The following CTNNA3 variants were observed in gnomAD, a reference collection of about 807,000 sequenced individuals.
CTNNA3 encodes the protein catenin alpha-3.
Under a neutral mutation model 95.7 loss-of-function variants are expected in CTNNA3, and 76 were observed. The observed-to-expected ratio is 0.79, with a 90% CI of 0.66 to 0.96. CTNNA3 has a LOEUF of 0.96. CTNNA3 is among the 40% of genes least tolerant of loss of function. The probability of loss-of-function intolerance (pLI) is 0.00; values close to 1 mark genes in which losing one functional copy is unlikely to be tolerated. For missense variants in CTNNA3, 1,191 were observed against 1,089.8 expected, an observed-to-expected ratio of 1.09 and a Z score of -1.31; for synonymous variants, 431 against 374.4, an observed-to-expected ratio of 1.15 and a Z score of -1.74.
chr10:65,981,126 G>T (rs2078311754), intron 16 of CTNNA3, among the ~76,000 whole-genome samples: 2 of 151,982 alleles, frequency 1.3e-5, no homozygotes, highest in South Asian at 4.1e-4. Flanking sequence ...CCTAGAACTG[G>T]TAAATTAATT....
intron 7 of CTNNA3, among the ~76,000 whole-genome samples, chr10:66,999,057 G>A (rs769131720): frequency 5.9e-5 from 9 of 151,936 alleles, no homozygotes; most frequent in East Asian, 1.9e-4. Context: ...TAAAGAAAAC[G>A]GAAGACAGGG....
chr10:66,998,713 T>TA lies in CTNNA3; in HGVS notation c.1047+181603dup, dbSNP rs554546105. Among the ~76,000 whole-genome samples, 46 of 152,214 alleles carry TA rather than the reference T, an allele frequency of 3.0e-4. No individual in the cohort carries two copies. In the South Asian group the frequency reaches 7.9e-3, roughly 26 times the overall value. On this transcript the variant is annotated intron_variant, in intron 7 of 17. Transcript: ENST00000433211. ...ATAACATTGTCCAGAATATACAAAGTAAAATTGAGATTAGAAAGAGCAATT... is the reference window on the plus strand; with the variant it reads ...ATAACATTGTCCAGAATATACAAAGTAAAAATTGAGATTAGAAAGAGCAATT...
chr10:67,374,290 A>G (rs1843608566), intron 5 of CTNNA3, among the ~76,000 whole-genome samples: 1 of 152,164 alleles, frequency 6.6e-6, no homozygotes, highest in South Asian at 2.1e-4. Context: ...ATTTATAACA[A>G]CAGGTAGCCA....
chr10:67,492,924 G>T (rs994353868), intron 5 of CTNNA3, among the ~76,000 whole-genome samples: 1 of 151,966 alleles, frequency 6.6e-6, no homozygotes, highest in Non-Finnish European at 1.5e-5. Flanking sequence ...AAATAAGAGA[G>T]GAAGGAATCA....
chr10:66,130,288 C>T (rs1331622013), intron 13 of CTNNA3, among the ~76,000 whole-genome samples: 1 of 152,130 alleles, frequency 6.6e-6, no homozygotes, highest in Non-Finnish European at 1.5e-5. Flanking sequence ...CACAACCTAA[C>T]ATTACAATTA....
In CTNNA3 at chr10:66,551,175, G is replaced by A. The variant is rs537840873; in HGVS notation, c.1375-30402C>T. Reference sequence around the variant, plus strand: ...GCCAATGTTCGGGGCAGATCTGGAAGGTAATAATTTTTCTCAATTTTTATT... The same window carrying A: ...GCCAATGTTCGGGGCAGATCTGGAAAGTAATAATTTTTCTCAATTTTTATT... On this transcript the variant is annotated intron_variant, in intron 10 of 17. Coordinates refer to ENST00000433211, the MANE Select transcript of CTNNA3 (RefSeq NM_013266.4). Among the ~76,000 whole-genome samples, 213 of 152,142 alleles carry A rather than the reference G, an allele frequency of 1.4e-3. 1 individual carries two copies. Among genetic ancestry groups the A allele is most frequent in the African/African-American group, 5.0e-3 (209 of 41,520 alleles).
intron 13 of CTNNA3, among the ~76,000 whole-genome samples, chr10:66,173,764 G>A (rs1157687913): frequency 1.3e-5 from 2 of 151,978 alleles, no homozygotes; most frequent in Non-Finnish European, 2.9e-5. Context: ...AGAGAATTTA[G>A]GTACATATTT....
chr10:66,259,300 C>T (rs975157166), intron 13 of CTNNA3, among the ~76,000 whole-genome samples: 2 of 152,120 alleles, frequency 1.3e-5, no homozygotes, highest in African/African-American at 4.8e-5. Flanking sequence ...CACTCACTAT[C>T]CCCTTTCAGC....
chr10:67,645,953 A>G (rs1448581959), intron 2 of CTNNA3, among the ~76,000 whole-genome samples: 1 of 148,206 alleles, frequency 6.7e-6, no homozygotes, highest in African/African-American at 2.5e-5. Flanking sequence ...ATATATATAT[A>G]TAATATATAT....
chr10:66,690,567 T>C (rs12247449), intron 9 of CTNNA3, among the ~76,000 whole-genome samples: 26,616 of 150,224 alleles, frequency 0.18, 2,973 homozygotes, highest in East Asian at 0.33. Flanking sequence ...TGAGTGAGAA[T>C]ATGCGGTGTT....
intron 13 of CTNNA3, among the ~76,000 whole-genome samples, chr10:66,279,450 T>C (rs1385430335): frequency 6.6e-6 from 1 of 152,100 alleles, no homozygotes; most frequent in African/African-American, 2.4e-5. Flanking sequence ...AATTACTTTC[T>C]TTGGCCACAA....
At chr10:66,140,573 T>C (rs1005854969) in intron 13 of CTNNA3, among the ~76,000 whole-genome samples, 7 of 152,214 alleles carry the variant, frequency 4.6e-5, no homozygotes, top group African/African-American at 1.7e-4. Flanking sequence ...TTTGTCTTTA[T>C]GTATTTGTTC....
chr10:66,457,100 T>C (rs1386612505), intron 11 of CTNNA3, among the ~76,000 whole-genome samples: 1 of 151,794 alleles, frequency 6.6e-6, no homozygotes, highest in Admixed American at 6.6e-5. Flanking sequence ...TCTCAAAAAA[T>C]GGAAAAAACA....
At chr10:65,975,824 T>G (rs566647392) in intron 16 of CTNNA3, among the ~76,000 whole-genome samples, 2 of 152,262 alleles carry the variant, frequency 1.3e-5, no homozygotes, top group Admixed American at 1.3e-4. Flanking sequence ...TAATCTCTTC[T>G]ATAGGGCATT....
chr10:67,595,936 A>G (rs994698561), intron 3 of CTNNA3, among the ~76,000 whole-genome samples: 1 of 152,064 alleles, frequency 6.6e-6, no homozygotes, highest in African/African-American at 2.4e-5. Flanking sequence ...TGTCTGAAAT[A>G]AAAAATATCA....
intron 5 of CTNNA3, among the ~76,000 whole-genome samples, chr10:67,299,283 C>T (rs1449410610): frequency 1.3e-5 from 2 of 151,926 alleles, no homozygotes; most frequent in African/African-American, 4.8e-5. Flanking sequence ...TCATAATAGC[C>T]TTCATTACAT....
chr10:66,114,197 T>A (rs73312127), intron 13 of CTNNA3, among the ~76,000 whole-genome samples: 1 of 152,176 alleles, frequency 6.6e-6, no homozygotes, highest in South Asian at 2.1e-4. Context: ...TGATTTTTTT[T>A]ATCTTATCCT....
At chr10:67,040,210 G>C (rs1043217533) in intron 7 of CTNNA3, among the ~76,000 whole-genome samples, 1 of 152,120 alleles carries the variant, frequency 6.6e-6, no homozygotes, top group Non-Finnish European at 1.5e-5. Context: ...GAAGACACAG[G>C]TGTTCTCTGT....
intron 9 of CTNNA3, among the ~76,000 whole-genome samples, chr10:66,751,804 A>T (rs551372503): frequency 1.3e-5 from 2 of 152,332 alleles, no homozygotes; most frequent in Admixed American, 1.3e-4. Flanking sequence ...TGTACTACAC[A>T]CAAAAAAGAA....
Sources: gnomAD v4.1 joint callset for allele counts (sites outside exome capture counted in the v4.1 genomes callset) on GRCh38, gnomAD v4.1.1 for gene constraint, MANE v1.5 for transcripts, NCBI Gene and HGNC (gene_info 2026-07-23, HGNC 2026-07-21) for gene names.